ADRA1B: variants seen among roughly 807,000 people sequenced by gnomAD.
ADRA1B encodes the protein alpha-1B adrenergic receptor.
A neutral mutation model predicts 17.9 loss-of-function variants in ADRA1B; 17 were observed. The observed-to-expected ratio is 0.95, with a 90% CI of 0.65 to 1.42. ADRA1B has a LOEUF of 1.42. ADRA1B is among the 40% of genes most tolerant of loss of function. ADRA1B has a pLI of 0.00. For missense variants in ADRA1B, 681 were observed against 722.1 expected (o/e 0.94, Z 0.65); for synonymous variants, 366 against 327.6 (o/e 1.12, Z -1.27).
chr5:159,885,004 C>T (rs546454275), intron 1 of ADRA1B, among the ~76,000 whole-genome samples: 2 of 152,240 alleles, frequency 1.3e-5, no homozygotes, highest in South Asian at 2.1e-4. Flanking sequence ...TTGGCTCTTC[C>T]ACCTGAAGTG....
chr5:159,894,182 A>C (rs1754017348), intron 1 of ADRA1B, among the ~76,000 whole-genome samples: 1 of 152,206 alleles, frequency 6.6e-6, no homozygotes, highest in African/African-American at 2.4e-5. Flanking sequence ...ACATCTACTA[A>C]GTGCCTACTA....
At chr5:159,973,291 T>G (rs73817256), downstream of ADRA1B, among the ~76,000 whole-genome samples, 1 of 152,322 alleles carries the variant, frequency 6.6e-6, no homozygotes, top group African/African-American at 2.4e-5. Flanking sequence ...TAATGAATCC[T>G]GCTTGCCTGC....
chr5:159,952,213 A>G (rs73317414), intron 1 of ADRA1B, among the ~76,000 whole-genome samples: 11,752 of 152,214 alleles, frequency 0.077, 506 homozygotes, highest in Middle Eastern at 0.095. Flanking sequence ...AAAACCGTAG[A>G]TAGTACCTAA....
the ADRA1B span, among the ~76,000 whole-genome samples, chr5:159,983,313 C>T: frequency 1.3e-5 from 2 of 152,308 alleles, no homozygotes; most frequent in South Asian, 2.1e-4. Flanking sequence ...CTGGACAAGG[C>T]TTTCCTCTCC....
chr5:159,877,493 C>T (rs141199784), intron 1 of ADRA1B, among the ~76,000 whole-genome samples: 19 of 152,302 alleles, frequency 1.2e-4, no homozygotes, highest in Middle Eastern at 3.4e-3. Context: ...TCCATGTTGG[C>T]GTCATGCTCT....
chr5:159,981,292 C>G, the ADRA1B span, among the ~76,000 whole-genome samples: 1 of 152,040 alleles, frequency 6.6e-6, no homozygotes, highest in Non-Finnish European at 1.5e-5. Context: ...TGACCTCTAC[C>G]TACTAGATGC....
intron 1 of ADRA1B, among the ~76,000 whole-genome samples, chr5:159,940,347 A>G (rs1365300483): frequency 6.6e-6 from 1 of 152,216 alleles, no homozygotes; most frequent in African/African-American, 2.4e-5. Flanking sequence ...ATATCTGATC[A>G]GGCCTCTTAT....
intron 1 of ADRA1B, chr5:159,866,759 T>C (rs2113060058): frequency 6.6e-6 from 1 of 152,276 alleles, no homozygotes; most frequent in Middle Eastern, 3.4e-3. Flanking sequence ...GCAAGAATTT[T>C]CTGCAAAGTC....
rs549430402 is a variant in ADRA1B at position 159,963,991 on chromosome 5, G to GA, written c.950-7880dup. 2.2e-3 allele frequency among the ~76,000 whole-genome samples: 327 copies of GA among 151,666 alleles called. 2 individuals carry two copies. The highest frequency in any genetic ancestry group is 7.7e-3 in the African/African-American group (317 of 41,364). ...CTCCTCCCCTCACCACCCCACCCCG[G>GA]AAAAAAAAGAATAAAATAATAGAAA... On this transcript the variant is annotated intron_variant, in intron 1 of 1. Transcript: ENST00000306675.
intron 1 of ADRA1B, among the ~76,000 whole-genome samples, chr5:159,946,560 A>G (rs1376424200): frequency 1.3e-5 from 2 of 152,210 alleles, no homozygotes; most frequent in Non-Finnish European, 2.9e-5. Flanking sequence ...CTGTAAATCC[A>G]TATTCTCAGT....
intron 1 of ADRA1B, among the ~76,000 whole-genome samples, chr5:159,898,827 T>G (rs1336114839): frequency 6.6e-6 from 1 of 152,138 alleles, no homozygotes. Flanking sequence ...TGGATTTTAT[T>G]TAGTTCAAGG....
chr5:159,981,962 A>G, the ADRA1B span, among the ~76,000 whole-genome samples: 1 of 152,258 alleles, frequency 6.6e-6, no homozygotes, highest in Non-Finnish European at 1.5e-5. Context: ...CATGCCTTGC[A>G]TGTAATGCAG....
the ADRA1B span, among the ~76,000 whole-genome samples, chr5:159,980,171 G>C: frequency 1.3e-5 from 2 of 152,046 alleles, no homozygotes; most frequent in East Asian, 1.9e-4. Context: ...GAGGATTCAA[G>C]CAGGGAGTTT....
intron 1 of ADRA1B, among the ~76,000 whole-genome samples, chr5:159,918,592 T>C (rs1318983031): frequency 6.6e-6 from 1 of 152,208 alleles, no homozygotes; most frequent in Non-Finnish European, 1.5e-5. Context: ...AAATTATAGT[T>C]GTCCCTCATC....
At chr5:159,888,328 T>C (rs982824512) in intron 1 of ADRA1B, 2 of 152,068 alleles carry the variant, frequency 1.3e-5, no homozygotes, top group Non-Finnish European at 2.9e-5. Context: ...AGAGAAGACG[T>C]CATGGAAGAA....
intron 1 of ADRA1B, among the ~76,000 whole-genome samples, chr5:159,872,076 C>T (rs1301277159): frequency 1.3e-5 from 2 of 152,148 alleles, no homozygotes; most frequent in Non-Finnish European, 1.5e-5. Flanking sequence ...GTATCATATC[C>T]TCTACATGAG....
At chr5:159,905,041 G>A (rs767984577) in intron 1 of ADRA1B, among the ~76,000 whole-genome samples, 6 of 152,218 alleles carry the variant, frequency 3.9e-5, no homozygotes, top group Non-Finnish European at 8.8e-5. Context: ...TCCAGCGTTA[G>A]CAGGAACCTA....
rs768628373 is a variant in ADRA1B, at chr5:159,917,689, G to A, written c.784G>A (p.Glu262Lys). 5 of 1,613,938 alleles carry A rather than the reference G, an allele frequency of 3.1e-6. No homozygotes were observed. Among genetic ancestry groups the A allele is most frequent in the Admixed American group, 1.7e-5 (1 of 59,986 alleles). The change falls in exon 1 of 2, where the codon GAG (glutamate) becomes AAG (lysine). Residue 262 changes from glutamate to lysine, a missense_variant. Around this residue, in one of 3 missense-constraint regions of ADRA1B, gnomAD observed 424 missense variants for 480.2 expected, o/e 0.88. Coordinates refer to ENST00000306675, the MANE Select transcript of ADRA1B (RefSeq NM_000679.4). ...GAGGATCCATTCCAAGAACTTTCAC[G>A]AGGACACCCTTAGCAGTACCAAGGC... ...TLRIHSKNFH[E>K]DTLSSTKAKG...
At chr5:159,922,502 T>C (rs544251838) in intron 1 of ADRA1B, among the ~76,000 whole-genome samples, 1 of 152,336 alleles carries the variant, frequency 6.6e-6, no homozygotes, top group South Asian at 2.1e-4. Flanking sequence ...CAAGAACTAG[T>C]AATGATGCTT....
Sources: allele counts gnomAD v4.1 joint callset (sites outside exome capture counted in the v4.1 genomes callset), GRCh38; gene constraint gnomAD v4.1.1; regional missense constraint gnomAD v4.1.1; transcripts MANE v1.5; gene names NCBI Gene and HGNC (gene_info 2026-07-23, HGNC 2026-07-21).